Variants in LAIR1 observed in about 807,000 individuals in gnomAD.
LAIR1 encodes leukocyte associated immunoglobulin like receptor 1.
A neutral mutation model predicts 32.8 loss-of-function variants in LAIR1; 24 were observed. The observed-to-expected ratio is 0.73, with a 90% CI of 0.53 to 1.03. The LOEUF is 1.03. Among genes scored for constraint, LAIR1 ranks in the 50% least tolerant of loss-of-function variants. LAIR1 has a pLI of 0.00. For synonymous variants in LAIR1, 150 were observed against 140.5 expected (o/e 1.07, Z -0.48); for missense variants, 355 against 347.5 (o/e 1.02, Z -0.17).
At position 54,364,535 on chromosome 19, in the gene LAIR1, G is replaced by A. The variant is rs1319485584; in HGVS notation, c.35-205C>T. 8.7e-6 allele frequency: 7 copies of A among 801,668 alleles called. No individual in the cohort carries two copies. In the Admixed American group the frequency reaches 1.4e-4, roughly 16 times the overall value. 49.7% of individuals were successfully genotyped at this position (801,668 alleles called of 1,614,324 possible). ...TCCCAAAGTCTCCTCCTCCAAAAAG[G>A]CTCCTGCTCCCCCAGCCCTTCTTAA... On this transcript the variant is annotated intron_variant, in intron 1 of 9. Transcript: ENST00000391742. The surrounding 1 kb of genome is among the most constrained non-coding windows in gnomAD (Gnocchi z 4.8).
upstream of LAIR1, among the ~76,000 whole-genome samples, chr19:54,373,392 C>A (rs529956025): frequency 6.6e-6 from 1 of 152,092 alleles, no homozygotes; most frequent in African/African-American, 2.4e-5. Flanking sequence ...TGCAGTGAGC[C>A]GAGATCGCGC....
At chr19:54,368,442 T>C (rs1396550487), upstream of LAIR1, 1 of 152,238 alleles carries the variant, frequency 6.6e-6, no homozygotes, top group Non-Finnish European at 1.5e-5. Context: ...TAATGGTTTC[T>C]ATGCATTAGA....
rs531401950 is a variant in LAIR1 at position 54,355,757 on chromosome 19, G to A, written c.717+197C>T. Among the ~76,000 whole-genome samples the A allele has an allele frequency of 1.3e-5, 2 of 152,222 alleles. No individual in the cohort carries two copies. Among genetic ancestry groups the A allele is most frequent in the East Asian group, 1.9e-4 (1 of 5,176 alleles). ...CCTGCCCACAGCCGGGGAAGTGAGC[G>A]TCTTGGACGTGGATCCTCCAGCCCA... is the stretch of plus-strand genomic sequence containing the variant. On this transcript the variant is annotated intron_variant, in intron 9 of 9. Transcript: ENST00000391742. This position sits in a 1 kb window ranked among gnomAD's most constrained non-coding sequence, Gnocchi z 4.7.
rs1056690298 is a variant in LAIR1, at chr19:54,354,773, G to C, written c.*495C>G. Reference sequence around the variant, plus strand: ...TGTGTGTGTATAGCACAGTCTCAAGGCTAGCTCTTGACTTCTAGGAAGGTC... The same window carrying C: ...TGTGTGTGTATAGCACAGTCTCAAGCCTAGCTCTTGACTTCTAGGAAGGTC... On this transcript the variant is annotated 3_prime_UTR_variant, in exon 10 of 10. Transcript: ENST00000391742. 2.0e-5 allele frequency: 3 copies of C among 153,438 alleles called. No homozygotes were observed. The highest frequency in any genetic ancestry group is 7.2e-5 in the African/African-American group (3 of 41,464). The allele number at this position is 153,438 out of a possible 1,614,324, so 9.5% of individuals were successfully genotyped here.
chr19:54,372,320 T>G (rs985931237), upstream of LAIR1, among the ~76,000 whole-genome samples: 4 of 151,162 alleles, frequency 2.6e-5, no homozygotes, highest in African/African-American at 9.9e-5. Flanking sequence ...GTTTTAGAAT[T>G]TGGCCACTCT....
chr19:54,353,734 T>C lies in LAIR1; in HGVS notation c.*1534A>G, dbSNP rs552857606. ...TGCTGAATTCTTAAAAATCTTTCTT[T>C]TCTTTTCTTTTCTTTTTTGACGGAG... On this transcript the variant is annotated 3_prime_UTR_variant, in exon 10 of 10. Coordinates refer to ENST00000391742, the MANE Select transcript of LAIR1 (RefSeq NM_002287.6). The C allele has an allele frequency of 6.6e-6, 1 of 151,386 alleles. No individual in the cohort carries two copies. Among genetic ancestry groups the C allele is most frequent in the East Asian group, 1.9e-4 (1 of 5,160 alleles). The allele number at this position is 151,386 out of a possible 1,614,324, so 9.4% of individuals were successfully genotyped here.
Position 54,355,422 on chromosome 19 carries a change from G to T in LAIR1, c.718-8C>A. The T allele has an allele frequency of 6.3e-7, 1 of 1,595,372 alleles. No individual in the cohort carries two copies. The highest frequency in any genetic ancestry group is 8.5e-7 in the Non-Finnish European group (1 of 1,170,814). On this transcript the variant is annotated splice_region_variant and splice_polypyrimidine_tract_variant and intron_variant, in intron 9 of 9. Transcript: ENST00000391742. The surrounding 1 kb of genome is among the most constrained non-coding windows in gnomAD (Gnocchi z 4.7). Reference sequence around the variant, plus strand: ...ACTCCCTGCAGCCAGGGCCTAAGAGGGAGAGACCCAGGGTGAGGGAGTGCC... The same window carrying T: ...ACTCCCTGCAGCCAGGGCCTAAGAGTGAGAGACCCAGGGTGAGGGAGTGCC...
chr19:54,366,191 T>C (rs1237434424), upstream of LAIR1, among the ~76,000 whole-genome samples: 1 of 152,174 alleles, frequency 6.6e-6, no homozygotes, highest in East Asian at 1.9e-4. Flanking sequence ...TCGTCAGCAA[T>C]AACGTCTTGT....
chr19:54,372,647 C>T (rs2082435957), upstream of LAIR1, among the ~76,000 whole-genome samples: 1 of 150,766 alleles, frequency 6.6e-6, no homozygotes, highest in African/African-American at 2.5e-5. Context: ...TGCACCACCA[C>T]ACCCAGATAA....
At position 54,356,353 on chromosome 19, in the gene LAIR1, C is replaced by T. The variant is rs549504844; in HGVS notation, c.626+3G>A. On this transcript the variant is annotated splice_donor_region_variant and intron_variant, in intron 7 of 9. Transcript: ENST00000391742. ...GTCCAGGAGTCATTCCCAGGGGCCT[C>T]ACCTCTGCTGTGGCTTCTGCTCCTC... 5 of 1,596,418 alleles carry T rather than the reference C, an allele frequency of 3.1e-6. No homozygotes were observed. The East Asian group carries it at 6.7e-5, about 21-fold the overall frequency.
rs757199184 is a variant in LAIR1 at position 54,364,582 on chromosome 19, C to T, written c.34+189G>A. ...TTAAAGCTGACCTCATCCCCACACC[C>T]GGGCCCCTGTTTTTAGGACAAGATC... On this transcript the variant is annotated intron_variant, in intron 1 of 9. Transcript: ENST00000391742. The surrounding 1 kb of genome is among the most constrained non-coding windows in gnomAD (Gnocchi z 4.8). 1.2e-4 allele frequency: 93 copies of T among 801,204 alleles called. 1 individual carries two copies. The Middle Eastern group carries it at 3.0e-3, about 26-fold the overall frequency. The allele number at this position is 801,204 out of a possible 1,614,324, so 49.6% of individuals were successfully genotyped here. A position where few individuals can be genotyped will look rare whatever the true frequency, so the allele number is the denominator to read the frequency against.
upstream of LAIR1, among the ~76,000 whole-genome samples, chr19:54,372,653 G>T (rs2082436068): frequency 6.6e-6 from 1 of 150,682 alleles, no homozygotes; most frequent in African/African-American, 2.5e-5. Context: ...ACCACACCCA[G>T]ATAATTTTGT....
At chr19:54,373,400 C>T (rs1280805414), upstream of LAIR1, among the ~76,000 whole-genome samples, 13 of 152,028 alleles carry the variant, frequency 8.6e-5, no homozygotes, top group Admixed American at 7.9e-4. Flanking sequence ...GCCGAGATCG[C>T]GCCACTGCAC....
At chr19:54,356,169 T>G in intron 8 of LAIR1, 61 bp downstream of exon 8, 1 of 1,345,804 alleles carries the variant, frequency 7.4e-7, no homozygotes, top group Non-Finnish European at 1.1e-6. Flanking sequence ...ACATTGCATC[T>G]GGATTGGCAC....
At chr19:54,358,562 G>T (rs184126832) in intron 4 of LAIR1, 928 of 1,610,122 alleles carry the variant, frequency 5.8e-4, no homozygotes, top group Non-Finnish European at 7.6e-4. Context: ...TTCACAAGAC[G>T]GGAGGCCATT....
chr19:54,371,730 A>G (rs139701418), upstream of LAIR1, among the ~76,000 whole-genome samples: 988 of 151,732 alleles, frequency 6.5e-3, 53 homozygotes, highest in African/African-American at 0.023. Flanking sequence ...TCCTGTCTTT[A>G]CCCAAATATT....
At chr19:54,375,123 G>A (rs970217069), upstream of LAIR1, among the ~76,000 whole-genome samples, 11 of 152,350 alleles carry the variant, frequency 7.2e-5, no homozygotes, top group East Asian at 1.9e-4. Flanking sequence ...CCTGGGCTGC[G>A]AAGCCTGAGG....
At chr19:54,365,642 A>T (rs1477427808), upstream of LAIR1, among the ~76,000 whole-genome samples, 1 of 152,126 alleles carries the variant, frequency 6.6e-6, no homozygotes, top group Non-Finnish European at 1.5e-5. Flanking sequence ...AATACAAAAA[A>T]TTAGCTGGGT....
upstream of LAIR1, among the ~76,000 whole-genome samples, chr19:54,375,054 A>G (rs1219182647): frequency 1.3e-5 from 2 of 152,164 alleles, no homozygotes; most frequent in Non-Finnish European, 2.9e-5. Context: ...TGGATTTACA[A>G]TGCTCAGTAC....
Sources: allele counts gnomAD v4.1 joint callset (sites outside exome capture counted in the v4.1 genomes callset), GRCh38; gene constraint gnomAD v4.1.1; non-coding constraint Gnocchi (gnomAD v3.1); transcripts MANE v1.5; gene names NCBI Gene and HGNC (gene_info 2026-07-23, HGNC 2026-07-21).